The following PPP1R10 variants were observed in gnomAD, a reference collection of about 807,000 sequenced individuals.
PPP1R10 encodes serine/threonine-protein phosphatase 1 regulatory subunit 10.
PPP1R10 carries 15 observed loss-of-function variants against 99.0 expected under a neutral mutation model. That is an observed-to-expected ratio of 0.15 (90% CI 0.10 to 0.23). The LOEUF (loss-of-function observed/expected upper bound fraction) is 0.23. Ranked by LOEUF, PPP1R10 falls within the 10% of genes least tolerant of loss-of-function variation. PPP1R10 has a pLI of 1.00. For missense variants in PPP1R10, 947 were observed against 1,259.4 expected, an observed-to-expected ratio of 0.75 and a Z score of 3.75; for synonymous variants, 430 against 449.5, an observed-to-expected ratio of 0.96 and a Z score of 0.55.
In PPP1R10 at chr6:30,602,037, T is replaced by C. The variant is rs1203390148; in HGVS notation, c.2612A>G (p.Asp871Gly). ...PHDVPGHRGH[D>G]HRGPPPHEHR... ...CTCATGAGGTGGCGGCCCTCGATGG[T>C]CATGGCCTCGGTGACCAGGGACATC... The change falls in exon 19 of 20, where the codon GAC becomes GGC. Residue 871 changes from aspartate to glycine, a missense_variant. Asp to Gly is a moderately conservative substitution (Grantham distance 94, BLOSUM62 -1). This residue lies in a region of PPP1R10 where 525 missense variants were observed against 578.8 expected (regional missense o/e 0.91). Transcript: ENST00000376511. The surrounding 1 kb of genome is among the most constrained non-coding windows in gnomAD (Gnocchi z 6.7). 2.6e-6 allele frequency: 4 copies of C among 1,551,716 alleles called. No individual in the cohort carries two copies. Among genetic ancestry groups the C allele is most frequent in the Non-Finnish European group, 3.5e-6 (4 of 1,145,436 alleles).
At chr6:30,615,070 A>AC (rs1294395773) in intron 2 of PPP1R10, among the ~76,000 whole-genome samples, 1 of 152,190 alleles carries the variant, frequency 6.6e-6, no homozygotes, top group Non-Finnish European at 1.5e-5. Context: ...CTCCCACTTG[A>AC]CCAAGTTTCT....
At chr6:30,610,607 T>C (rs745450625) in intron 2 of PPP1R10, among the ~76,000 whole-genome samples, 3 of 152,142 alleles carry the variant, frequency 2.0e-5, no homozygotes, top group Non-Finnish European at 2.9e-5. Flanking sequence ...AATGGATGCA[T>C]GGAAATCAAG....
Position 30,601,949 on chromosome 6 carries a change from G to A in PPP1R10, c.2700C>T (p.His900=). The change falls in exon 19 of 20, where the codon CAC becomes CAT. Residue 900 remains histidine, a synonymous_variant. Coordinates refer to ENST00000376511, the MANE Select transcript of PPP1R10 (RefSeq NM_002714.4). ...GGGHRGHDGG[H]SHGGDMSNRP... is the part of the protein sequence containing the mutation. Reference sequence around the variant, plus strand: ...GAGCATCCTCACCTCCTCCATGGCTGTGGCCTCCATCGTGCCCTCGGTGGC... The same window carrying A: ...GAGCATCCTCACCTCCTCCATGGCTATGGCCTCCATCGTGCCCTCGGTGGC... 5 of 1,510,002 alleles carry A rather than the reference G, an allele frequency of 3.3e-6. No individual in the cohort carries two copies. Among genetic ancestry groups the A allele is most frequent in the Non-Finnish European group, 3.5e-6 (4 of 1,130,794 alleles). 93.5% of individuals were successfully genotyped at this position (1,510,002 alleles called of 1,614,324 possible).
Position 30,602,543 on chromosome 6 carries a change from T to C in PPP1R10, c.2106A>G (p.Pro702=). The C allele has an allele frequency of 6.4e-7, 1 of 1,570,826 alleles. No individual in the cohort carries two copies. Among genetic ancestry groups the C allele is most frequent in the Non-Finnish European group, 8.6e-7 (1 of 1,158,104 alleles). ...MRGGPGPGPG[P]YHRGRGGRGG... Reference sequence around the variant, plus strand: ...CTCGGCCACCTCGGCCTCTATGGTATGGTCCAGGACCTGGTCCTGGACCCC... The same window carrying C: ...CTCGGCCACCTCGGCCTCTATGGTACGGTCCAGGACCTGGTCCTGGACCCC... Residue 702 remains proline (P), a synonymous_variant, in exon 19 of 20, where the codon CCA becomes CCG. Coordinates refer to ENST00000376511, the MANE Select transcript of PPP1R10 (RefSeq NM_002714.4). The surrounding 1 kb of genome is among the most constrained non-coding windows in gnomAD (Gnocchi z 6.7).
In PPP1R10 at chr6:30,604,834, T is replaced by A; in HGVS notation, c.955-99A>T. 6.4e-7 allele frequency: 1 copy of A among 1,563,822 alleles called. No individual in the cohort carries two copies. Among genetic ancestry groups the A allele is most frequent in the Non-Finnish European group, 8.8e-7 (1 of 1,136,300 alleles). ...GCACAGTCCCCCAACAGTTCCTATA[T>A]AAAGGAAGACTCTGTCTCCACAATG... is the stretch of plus-strand genomic sequence containing the variant. On this transcript the variant is annotated intron_variant, in intron 11 of 19. Coordinates refer to ENST00000376511, the MANE Select transcript of PPP1R10 (RefSeq NM_002714.4). The surrounding 1 kb of genome is among the most constrained non-coding windows in gnomAD (Gnocchi z 7.3).
chr6:30,614,398 G>A (rs892896663), intron 2 of PPP1R10, among the ~76,000 whole-genome samples: 1 of 151,932 alleles, frequency 6.6e-6, no homozygotes, highest in Non-Finnish European at 1.5e-5. Flanking sequence ...TACAACTGCC[G>A]CCTCCTTTCC....
At chr6:30,613,641 G>T (rs1269399657) in intron 2 of PPP1R10, among the ~76,000 whole-genome samples, 1 of 152,070 alleles carries the variant, frequency 6.6e-6, no homozygotes, top group East Asian at 1.9e-4. Flanking sequence ...CATAGAAAAA[G>T]ACCCCAGACT....
At position 30,604,563 on chromosome 6, in the gene PPP1R10, C is replaced by T. The variant is rs575923021; in HGVS notation, c.1102+25G>A. 33 of 1,612,742 alleles carry T rather than the reference C, an allele frequency of 2.0e-5. 1 individual carries two copies. The highest frequency in any genetic ancestry group is 2.8e-5 in the Non-Finnish European group (33 of 1,179,928). ...AGATCCCTCCTTTCAGAAAACCCCC[C>T]AAACTGAACCAGTTTCTAGATTACC... On this transcript the variant is annotated intron_variant, in intron 12 of 19. Coordinates refer to ENST00000376511, the MANE Select transcript of PPP1R10 (RefSeq NM_002714.4). The surrounding 1 kb of genome is among the most constrained non-coding windows in gnomAD (Gnocchi z 7.3).
chr6:30,602,335 C>T lies in PPP1R10; in HGVS notation c.2314G>A (p.Gly772Ser), dbSNP rs142155444. ...GNSSGHRPHEGPGGGMGSGHR... is the reference protein window; with the variant it reads ...GNSSGHRPHESPGGGMGSGHR... ...CCACTTCCCATGCCACCGCCAGGGCCTTCGTGGGGACGATGTCCACTGCTG... is the reference window on the plus strand; with the variant it reads ...CCACTTCCCATGCCACCGCCAGGGCTTTCGTGGGGACGATGTCCACTGCTG... The change falls in exon 19 of 20, where the codon GGC becomes AGC. Residue 772 changes from glycine (G) to serine (S), a missense_variant. This residue lies in a region of PPP1R10 where 525 missense variants were observed against 578.8 expected (regional missense o/e 0.91). Transcript: ENST00000376511. This position sits in a 1 kb window ranked among gnomAD's most constrained non-coding sequence, Gnocchi z 6.7. 1.2e-5 allele frequency: 19 copies of T among 1,612,910 alleles called. No individual in the cohort carries two copies. Among genetic ancestry groups the T allele is most frequent in the Non-Finnish European group, 1.5e-5 (18 of 1,179,990 alleles).
In PPP1R10 at chr6:30,606,683, G is replaced by T; in HGVS notation, c.461-42C>A. On this transcript the variant is annotated intron_variant, in intron 7 of 19. Coordinates refer to ENST00000376511, the MANE Select transcript of PPP1R10 (RefSeq NM_002714.4). The surrounding 1 kb of genome is among the most constrained non-coding windows in gnomAD (Gnocchi z 6.3). ...AAGCAGAAAAGGATTTTATTTAGAT[G>T]AACACTGTCAGAGGTGAAGCAGACT... 6.2e-7 allele frequency: 1 copy of T among 1,613,188 alleles called. No individual in the cohort carries two copies. Among genetic ancestry groups the T allele is most frequent in the Non-Finnish European group, 8.5e-7 (1 of 1,179,270 alleles).
At position 30,606,420 on chromosome 6, in the gene PPP1R10, G is replaced by A; in HGVS notation, c.634+48C>T. On this transcript the variant is annotated intron_variant, in intron 8 of 19. Coordinates refer to ENST00000376511, the MANE Select transcript of PPP1R10 (RefSeq NM_002714.4). The surrounding 1 kb of genome is among the most constrained non-coding windows in gnomAD (Gnocchi z 6.3). ...CAAATGATTCCCCCATAAGGCTCTG[G>A]GTGTGCACATGCCCATGAACCCTCC... 1 of 1,604,972 alleles carries A rather than the reference G, an allele frequency of 6.2e-7. No homozygotes were observed. The highest frequency in any genetic ancestry group is 1.1e-5 in the South Asian group (1 of 90,602).
chr6:30,601,752 T>A, intron 19 of PPP1R10, 94 bp from the exon 20 acceptor site: 1 of 1,370,480 alleles, frequency 7.3e-7, no homozygotes, highest in Non-Finnish European at 1.0e-6. Context: ...AGAACTGTCT[T>A]TCAGAGACAA....
intron 10 of PPP1R10, 58 bp from the exon 11 acceptor site, chr6:30,605,152 T>G: frequency 6.8e-7 from 1 of 1,472,698 alleles, no homozygotes; most frequent in Non-Finnish European, 9.4e-7. Context: ...ATCCTACACC[T>G]GCAAACACAG....
At chr6:30,603,002 A>C (rs1421056149) in intron 17 of PPP1R10, 43 bp from the exon 18 acceptor site, 1 of 1,481,570 alleles carries the variant, frequency 6.7e-7, no homozygotes, top group Non-Finnish European at 9.1e-7. Context: ...GCACTCTAGA[A>C]GACTAGCATG....
chr6:30,615,229 T>TAAAA (rs5875265), intron 2 of PPP1R10, among the ~76,000 whole-genome samples: 3,954 of 109,608 alleles, frequency 0.036, 106 homozygotes, highest in African/African-American at 0.091. Context: ...ACCTTTTTAG[T>TAAAA]AAAAAAAAAA....
chr6:30,600,981 T>C lies in PPP1R10; in HGVS notation c.*568A>G, dbSNP rs1178172959. 4 of 153,096 alleles carry C rather than the reference T, an allele frequency of 2.6e-5. No individual in the cohort carries two copies. The highest frequency in any genetic ancestry group is 1.9e-4 in the East Asian group (1 of 5,192). The allele number at this position is 153,096 out of a possible 1,614,324, so 9.5% of individuals were successfully genotyped here. ...GTCCCACTTGAGAAAGGACTAAGAA[T>C]GGTGAGCCCACGCTGGGGGAGGGGT... On this transcript the variant is annotated 3_prime_UTR_variant, in exon 20 of 20. Coordinates refer to ENST00000376511, the MANE Select transcript of PPP1R10 (RefSeq NM_002714.4).
At chr6:30,608,613 T>G (rs1193769132) in intron 5 of PPP1R10, among the ~76,000 whole-genome samples, 166 bp downstream of exon 5, 3 of 152,142 alleles carry the variant, frequency 2.0e-5, no homozygotes, top group Non-Finnish European at 4.4e-5. Flanking sequence ...CACACACCTA[T>G]TAAAGGAGAT....
chr6:30,604,654 C>T lies in PPP1R10; in HGVS notation c.1036G>A (p.Ala346Thr), dbSNP rs1400803376. 7 of 1,613,148 alleles carry T rather than the reference C, an allele frequency of 4.3e-6. No individual in the cohort carries two copies. The highest frequency in any genetic ancestry group is 5.9e-6 in the Non-Finnish European group (7 of 1,180,056). Residue 346 changes from alanine (A) to threonine (T), a missense_variant, in exon 12 of 20, where the codon GCA (alanine) becomes ACA (threonine). Ala to Thr is a moderately conservative substitution (Grantham distance 58). Around this residue, in one of 10 missense-constraint regions of PPP1R10, gnomAD observed 100 missense variants for 105.8 expected, o/e 0.94. Coordinates refer to ENST00000376511, the MANE Select transcript of PPP1R10 (RefSeq NM_002714.4). This position sits in a 1 kb window ranked among gnomAD's most constrained non-coding sequence, Gnocchi z 7.3. ...GTGCCTGGACGGTCTGCGTCCATTG[C>T]CTCAGAAGGTGGTGCTGGTTCTGGG... ...SSPEPAPPSEAMDADRPGTPV... is the reference protein window; with the variant it reads ...SSPEPAPPSETMDADRPGTPV...
rs753423980 is a variant in PPP1R10 at position 30,605,139 on chromosome 6, A to G, written c.854-45T>C. 6 of 1,539,086 alleles carry G rather than the reference A, an allele frequency of 3.9e-6. No homozygotes were observed. In the South Asian group the frequency reaches 5.6e-5, roughly 14 times the overall value. On this transcript the variant is annotated intron_variant, in intron 10 of 19. Coordinates refer to ENST00000376511, the MANE Select transcript of PPP1R10 (RefSeq NM_002714.4). ...CAAATGGCATCATCAGACCTCCTTC[A>G]TAATCCTACACCTGCAAACACAGTC... is the stretch of plus-strand genomic sequence containing the variant.
Sources: gnomAD v4.1 joint callset for allele counts (sites outside exome capture counted in the v4.1 genomes callset) on GRCh38, gnomAD v4.1.1 for gene constraint, gnomAD v4.1.1 regional missense constraint, Gnocchi (gnomAD v3.1) non-coding constraint, MANE v1.5 for transcripts, NCBI Gene and HGNC (gene_info 2026-07-23, HGNC 2026-07-21) for gene names.